CAST: variants seen among roughly 807,000 people sequenced by gnomAD.
The protein encoded by CAST is calpastatin, also known as MIR583 host.
A neutral mutation model predicts 119.6 loss-of-function variants in CAST; 76 were observed. The observed-to-expected ratio is 0.64, with a 90% CI of 0.53 to 0.77. CAST has a LOEUF of 0.77. Ranked by LOEUF, CAST falls within the 30% of genes least tolerant of loss-of-function variation. The pLI is 0.00. For synonymous variants in CAST, 319 were observed against 331.6 expected, an observed-to-expected ratio of 0.96 and a Z score of 0.41; for missense variants, 953 against 946.5, an observed-to-expected ratio of 1.01 and a Z score of -0.09.
chr5:96,365,237 C>T, the CAST span, among the ~76,000 whole-genome samples: 3 of 152,166 alleles, frequency 2.0e-5, no homozygotes, highest in African/African-American at 4.8e-5. Context: ...GAGTGCTTTA[C>T]TTCCAACTAT....
chr5:95,961,563 C>A, the CAST span: 7 of 1,572,720 alleles, frequency 4.5e-6, no homozygotes, highest in Non-Finnish European at 6.0e-6. Context: ...GCCTGCCGGC[C>A]GGCCCGCTCA....
chr5:96,448,406 T>TTTCA, the CAST span, among the ~76,000 whole-genome samples: 3,680 of 152,270 alleles, frequency 0.024, 60 homozygotes, highest in Non-Finnish European at 0.035. Flanking sequence ...ACTTGCTATA[T>TTTCA]TTCATTCATT....
the CAST span, among the ~76,000 whole-genome samples, chr5:96,206,125 G>C: frequency 2.0e-5 from 3 of 151,584 alleles, no homozygotes; most frequent in Non-Finnish European, 4.4e-5. Flanking sequence ...CTTTTGAAAC[G>C]TGTTTATGTC....
chr5:96,683,935 C>A (rs533806050), intron 2 of CAST, among the ~76,000 whole-genome samples: 24 of 152,264 alleles, frequency 1.6e-4, no homozygotes, highest in African/African-American at 5.8e-4. Flanking sequence ...CATTCTGAGA[C>A]CACAGTGAGA....
chr5:96,517,832 CGTTGTGAT>C, the CAST span, among the ~76,000 whole-genome samples: 1 of 152,202 alleles, frequency 6.6e-6, no homozygotes, highest in African/African-American at 2.4e-5. Context: ...AGTTCTATAG[CGTTGTGAT>C]ACAATAATAA....
chr5:96,734,765 G>C (rs1277516692), intron 9 of CAST, among the ~76,000 whole-genome samples: 1 of 152,180 alleles, frequency 6.6e-6, no homozygotes, highest in Admixed American at 6.5e-5. Context: ...CCATTGGCAG[G>C]AGTACAGATA....
chr5:96,283,163 G>A, the CAST span, among the ~76,000 whole-genome samples: 28 of 136,994 alleles, frequency 2.0e-4, no homozygotes, highest in African/African-American at 7.2e-4. Flanking sequence ...ATTTATTACA[G>A]GGTATAATCA....
chr5:96,536,987 C>T (rs1199734877), intron 1 of CAST, among the ~76,000 whole-genome samples: 1 of 152,212 alleles, frequency 6.6e-6, no homozygotes, highest in Non-Finnish European at 1.5e-5. Context: ...CTCTAATTCT[C>T]TTATAATTTG....
At chr5:96,414,985 T>A in the CAST span, among the ~76,000 whole-genome samples, 2 of 152,256 alleles carry the variant, frequency 1.3e-5, no homozygotes, top group Non-Finnish European at 2.9e-5. Flanking sequence ...TATACTCATG[T>A]AGAGTTTAAT....
chr5:96,185,832 G>C, the CAST span, among the ~76,000 whole-genome samples: 1 of 151,892 alleles, frequency 6.6e-6, no homozygotes, highest in Non-Finnish European at 1.5e-5. Flanking sequence ...GGCTATTTGG[G>C]CTCTTTTTTG....
chr5:96,101,472 T>C, the CAST span, among the ~76,000 whole-genome samples: 1 of 152,216 alleles, frequency 6.6e-6, no homozygotes, highest in African/African-American at 2.4e-5. Context: ...AAATTTTACG[T>C]ATGTTACCTG....
intron 1 of CAST, among the ~76,000 whole-genome samples, chr5:96,615,499 A>G (rs1018278282): frequency 7.2e-5 from 11 of 152,192 alleles, no homozygotes; most frequent in Non-Finnish European, 1.6e-4. Context: ...TAATGTGCCA[A>G]TGGCAACAGG....
chr5:96,656,170 T>C (rs1748155775), intron 1 of CAST, among the ~76,000 whole-genome samples: 1 of 152,238 alleles, frequency 6.6e-6, no homozygotes, highest in African/African-American at 2.4e-5. Flanking sequence ...GTAAAATGTA[T>C]TTCTTACTGA....
chr5:96,729,142 G>A lies in CAST; in HGVS notation c.379-11G>A. The A allele has an allele frequency of 6.4e-7, 1 of 1,552,318 alleles. No homozygotes were observed. Among genetic ancestry groups the A allele is most frequent in the South Asian group, 1.1e-5 (1 of 88,174 alleles). On this transcript the variant is annotated splice_polypyrimidine_tract_variant and intron_variant, in intron 6 of 31. Transcript: ENST00000675179. ...CCAGTGTAATCAAGTTTAATCTTTT[G>A]AAATTGACAGCTGTCTGTGGTTCAT...
chr5:96,522,643 A>G (rs544723967), upstream of CAST, among the ~76,000 whole-genome samples: 4 of 152,000 alleles, frequency 2.6e-5, no homozygotes, highest in East Asian at 7.7e-4. Flanking sequence ...TCTAGTGCTG[A>G]CCCCCACTAA....
upstream of CAST, among the ~76,000 whole-genome samples, chr5:96,661,450 G>A (rs143077120): frequency 2.2e-4 from 32 of 143,918 alleles, 2 homozygotes; most frequent in East Asian, 6.3e-3. Context: ...AAAAGGCTCT[G>A]CCTTCTCTCT....
the CAST span, among the ~76,000 whole-genome samples, chr5:95,982,169 A>T: frequency 6.6e-6 from 1 of 152,048 alleles, no homozygotes; most frequent in Non-Finnish European, 1.5e-5. Flanking sequence ...TATAATATGT[A>T]ATCGAACTGT....
chr5:96,705,726 A>G (rs1450608791), intron 3 of CAST, among the ~76,000 whole-genome samples: 1 of 152,198 alleles, frequency 6.6e-6, no homozygotes, highest in African/African-American at 2.4e-5. Flanking sequence ...ATAACACATT[A>G]ATAGTAACAG....
intron 1 of CAST, among the ~76,000 whole-genome samples, chr5:96,629,508 C>T (rs909939334): frequency 6.6e-6 from 1 of 152,198 alleles, no homozygotes; most frequent in Non-Finnish European, 1.5e-5. Flanking sequence ...GTATTAATTC[C>T]TTATAAATAT....
Sources: allele counts gnomAD v4.1 joint callset (sites outside exome capture counted in the v4.1 genomes callset), GRCh38; gene constraint gnomAD v4.1.1; transcripts MANE v1.5; gene names NCBI Gene and HGNC (gene_info 2026-07-23, HGNC 2026-07-21).